Variants in SCFD1 observed in about 807,000 individuals in gnomAD.
SCFD1 encodes the protein sec1 family domain-containing protein 1.
SCFD1 carries 37 observed loss-of-function variants against 103.2 expected under a neutral mutation model. The ratio of observed to expected loss-of-function variants is 0.36; its 90% CI spans 0.28 to 0.47. The LOEUF is 0.47. Among genes scored for constraint, SCFD1 ranks in the 20% least tolerant of loss-of-function variants. The pLI is 1.00. For synonymous variants in SCFD1, 264 were observed against 245.0 expected (o/e 1.08, Z -0.73); for missense variants, 639 against 761.2 (o/e 0.84, Z 1.89).
chr14:30,623,282 C>T (rs1010101358), intron 1 of SCFD1, among the ~76,000 whole-genome samples: 2 of 152,114 alleles, frequency 1.3e-5, no homozygotes, highest in African/African-American at 4.8e-5. Flanking sequence ...AAATTATGCT[C>T]TGTTGGATAT....
At chr14:30,704,722 T>G (rs908839308) in intron 17 of SCFD1, among the ~76,000 whole-genome samples, 1 of 152,200 alleles carries the variant, frequency 6.6e-6, no homozygotes, top group African/African-American at 2.4e-5. Flanking sequence ...AAAATTTTCT[T>G]TAGGTACTCT....
intron 23 of SCFD1, among the ~76,000 whole-genome samples, chr14:30,729,413 A>T (rs1306074257): frequency 1.3e-5 from 2 of 152,202 alleles, no homozygotes; most frequent in Non-Finnish European, 2.9e-5. Flanking sequence ...ATCTTTTTGC[A>T]TATCCAGTTG....
chr14:30,622,365 A>C lies in SCFD1; in HGVS notation c.27A>C (p.Ala9=). ...TGGCGGCGGCGGCGGCAGCGACAGC[A>C]GCAGCAGCAGCCAGTATTCGGGAAA... MAAAAAAT[A]AAAASIRERQ... is the part of the protein sequence containing the mutation. Residue 9 remains alanine (A), a synonymous_variant, in exon 1 of 25, where the codon GCA becomes GCC. Transcript: ENST00000458591. The C allele has an allele frequency of 6.4e-7, 1 of 1,561,968 alleles. No individual in the cohort carries two copies. The highest frequency in any genetic ancestry group is 1.9e-5 in the Admixed American group (1 of 52,142).
chr14:30,652,999 A>G (rs1252491964), intron 9 of SCFD1, among the ~76,000 whole-genome samples: 1 of 149,170 alleles, frequency 6.7e-6, no homozygotes, highest in Non-Finnish European at 1.5e-5. Flanking sequence ...ACAGAGTCTC[A>G]AAAAAAAAAA....
intron 4 of SCFD1, chr14:30,635,179 A>T (rs1884600356): frequency 2.9e-6 from 1 of 345,340 alleles, no homozygotes; most frequent in Non-Finnish European, 5.7e-6. Context: ...CCCTGCGTAA[A>T]CTCAAGTATG....
At chr14:30,622,257 G>T (rs1035301976), upstream of SCFD1, 26 of 1,567,326 alleles carry the variant, frequency 1.7e-5, no homozygotes, top group African/African-American at 1.2e-4. Context: ...GCCCTTCCGG[G>T]CTTTGCTTCC....
intron 1 of SCFD1, among the ~76,000 whole-genome samples, chr14:30,625,711 G>GCGTATAGGTATACC (rs1280686829): frequency 9.3e-6 from 1 of 107,628 alleles, no homozygotes; most frequent in African/African-American, 6.3e-5. Flanking sequence ...AGGTATATAG[G>GCGTATAGGTATACC]TATATAGGTA....
intron 10 of SCFD1, among the ~76,000 whole-genome samples, chr14:30,664,219 T>G (rs1232024865): frequency 1.3e-5 from 2 of 152,100 alleles, no homozygotes; most frequent in African/African-American, 2.4e-5. Flanking sequence ...CTGCAACATT[T>G]GCTGTTCTGC....
intron 14 of SCFD1, among the ~76,000 whole-genome samples, chr14:30,680,026 A>T (rs1377394926): frequency 1.3e-5 from 2 of 152,206 alleles, no homozygotes; most frequent in Non-Finnish European, 2.9e-5. Context: ...CAAGTATGAC[A>T]AAAGATAGCT....
At chr14:30,718,305 T>A (rs1892424047) in intron 20 of SCFD1, among the ~76,000 whole-genome samples, 1 of 152,244 alleles carries the variant, frequency 6.6e-6, no homozygotes. Flanking sequence ...TCCACATTTC[T>A]CTGTCATAAA....
intron 23 of SCFD1, chr14:30,734,564 A>G (rs993282971): frequency 2.1e-6 from 1 of 482,486 alleles, no homozygotes; most frequent in African/African-American, 1.9e-5. Flanking sequence ...CACCAATAGT[A>G]TGCCATAGTA....
At chr14:30,735,549 T>C (rs2139457635) in intron 24 of SCFD1, 37 bp from the exon 25 acceptor site, 1 of 1,452,976 alleles carries the variant, frequency 6.9e-7, no homozygotes, top group East Asian at 2.3e-5. Flanking sequence ...ATGATCTTTT[T>C]TAAAAGTTTT....
At chr14:30,638,368 T>C (rs571058908) in intron 5 of SCFD1, 121 bp downstream of exon 5, 23 of 1,365,404 alleles carry the variant, frequency 1.7e-5, no homozygotes, top group African/African-American at 1.2e-4. Context: ...TTGTTTAGGC[T>C]CAATACTTTT....
At chr14:30,696,110 C>T (rs1300132223) in intron 15 of SCFD1, among the ~76,000 whole-genome samples, 4 of 152,066 alleles carry the variant, frequency 2.6e-5, no homozygotes, top group African/African-American at 9.7e-5. Flanking sequence ...ATTTAAGCTG[C>T]ATAATTATGG....
intron 14 of SCFD1, among the ~76,000 whole-genome samples, chr14:30,689,847 C>T (rs1435703068): frequency 1.4e-5 from 2 of 139,608 alleles, no homozygotes; most frequent in African/African-American, 5.4e-5. Flanking sequence ...TGTTCTGTTG[C>T]TGGTGAGGAA....
At chr14:30,700,042 T>G in intron 15 of SCFD1, 146 bp from the exon 16 acceptor site, 4 of 609,216 alleles carry the variant, frequency 6.6e-6, no homozygotes, top group Non-Finnish European at 1.2e-5. Flanking sequence ...GTTATAATTA[T>G]ATGCCTGTTA....
At chr14:30,627,872 A>AG (rs1044066183) in intron 1 of SCFD1, among the ~76,000 whole-genome samples, 5 of 151,768 alleles carry the variant, frequency 3.3e-5, no homozygotes, top group Non-Finnish European at 5.9e-5. Context: ...AAAAAAAAAA[A>AG]AAGACTTACC....
intron 2 of SCFD1, among the ~76,000 whole-genome samples, chr14:30,629,801 C>T (rs1883910607): frequency 6.6e-6 from 1 of 152,186 alleles, no homozygotes; most frequent in Non-Finnish European, 1.5e-5. Flanking sequence ...TGGTCTCTAT[C>T]TCTTGACCTA....
At chr14:30,626,955 G>C (rs1329968503) in intron 1 of SCFD1, among the ~76,000 whole-genome samples, 1 of 152,140 alleles carries the variant, frequency 6.6e-6, no homozygotes, top group Non-Finnish European at 1.5e-5. Flanking sequence ...TGATATTCAG[G>C]TGATTTTAGT....
Sources: allele counts gnomAD v4.1 joint callset (sites outside exome capture counted in the v4.1 genomes callset), GRCh38; gene constraint gnomAD v4.1.1; transcripts MANE v1.5; gene names NCBI Gene and HGNC (gene_info 2026-07-23, HGNC 2026-07-21).